Variants in ANKRD35 observed in about 807,000 individuals in gnomAD.
ANKRD35 encodes the protein ankyrin repeat domain 35.
In ANKRD35, 102 loss-of-function variants were observed where a neutral mutation model predicts 109.9. The ratio of observed to expected loss-of-function variants is 0.93; its 90% CI spans 0.79 to 1.09. The LOEUF is 1.09. Ranked by LOEUF, ANKRD35 falls within the 50% of genes least tolerant of loss-of-function variation. The pLI is 0.00. For synonymous variants in ANKRD35, 515 were observed against 512.4 expected (o/e 1.01, Z -0.07); for missense variants, 1,240 against 1,230.1 (o/e 1.01, Z -0.12).
rs1559173435 is a variant in ANKRD35, at chr1:145,873,149, T to C, written c.1620A>G (p.Arg540=). 6.2e-7 allele frequency: 1 copy of C among 1,614,076 alleles called. No homozygotes were observed. Among genetic ancestry groups the C allele is most frequent in the Non-Finnish European group, 8.5e-7 (1 of 1,180,018 alleles). ...CCAGCCTTGCCAGCACCCGCTCCAG[T>C]CGGGCTTCCATCTTCTCCCAGGCAG... The part of the protein sequence containing the change: ...AAAAWEKMEA[R]LERVLARLEW... Residue 540 remains arginine, a synonymous_variant, in exon 10 of 14, where the codon CGA becomes CGG. Coordinates refer to ENST00000355594, the MANE Select transcript of ANKRD35 (RefSeq NM_144698.5).
chr1:145,878,456 C>T lies in ANKRD35; in HGVS notation c.194G>A (p.Gly65Asp), dbSNP rs773540233. ...CAGGATAGTCAGACATTCTGTCAGG[C>T]CTTTGGAGGCTGCCAGATGAAACCT... The part of the protein sequence containing the change: ...QSPFHLAASK[G>D]LTECLTILLA... The change falls in exon 3 of 14, where the codon GGC becomes GAC. Residue 65 changes from glycine (G) to aspartate (D), a missense_variant. Gly to Asp is a moderately conservative substitution (Grantham distance 94). Coordinates refer to ENST00000355594, the MANE Select transcript of ANKRD35 (RefSeq NM_144698.5). 1.3e-6 allele frequency: 2 copies of T among 1,570,212 alleles called. No homozygotes were observed. Among genetic ancestry groups the T allele is most frequent in the Admixed American group, 1.9e-5 (1 of 53,574 alleles).
At position 145,876,240 on chromosome 1, in the gene ANKRD35, G is replaced by C; in HGVS notation, c.460C>G (p.Arg154Gly). 1 of 1,613,334 alleles carries C rather than the reference G, an allele frequency of 6.2e-7. No homozygotes were observed. Among genetic ancestry groups the C allele is most frequent in the Non-Finnish European group, 8.5e-7 (1 of 1,179,532 alleles). ...AFLDVLDNDG[R>G]TPLMIASLGG... The stretch of plus-strand genomic sequence containing the variant: ...AGCGATGCGATCATCAGGGGTGTAC[G>C]TCCATCCTGCACAGATTGTAGGAAG... Residue 154 changes from arginine (R) to glycine (G), a missense_variant, in exon 7 of 14, where the codon CGT becomes GGT. Transcript: ENST00000355594.
Position 145,873,136 on chromosome 1 carries a change from G to T in ANKRD35, c.1633C>A (p.Leu545Met), listed in dbSNP as rs140295711. 1.2e-6 allele frequency: 2 copies of T among 1,614,026 alleles called. No individual in the cohort carries two copies. The highest frequency in any genetic ancestry group is 1.7e-6 in the Non-Finnish European group (2 of 1,180,008). Residue 545 changes from leucine (L) to methionine (M), a missense_variant, in exon 10 of 14, where the codon CTG becomes ATG. Leu to Met is a conservative substitution (Grantham distance 15). Coordinates refer to ENST00000355594, the MANE Select transcript of ANKRD35 (RefSeq NM_144698.5). ...EKMEARLERV[L>M]ARLEWAKAGL... ...GCCTTTGCCCATTCCAGCCTTGCCA[G>T]CACCCGCTCCAGTCGGGCTTCCATC...
chr1:145,876,935 C>T, intron 4 of ANKRD35, 62 bp from the exon 5 acceptor site: 1 of 1,555,726 alleles, frequency 6.4e-7, no homozygotes, highest in South Asian at 1.1e-5. Context: ...ATCCCATACC[C>T]CCATTGGGTC....
Position 145,879,238 on chromosome 1 carries a change from G to A in ANKRD35, c.170+20C>T. The A allele has an allele frequency of 1.3e-6, 2 of 1,577,670 alleles. No individual in the cohort carries two copies. Among genetic ancestry groups the A allele is most frequent in the Non-Finnish European group, 1.7e-6 (2 of 1,160,418 alleles). The stretch of plus-strand genomic sequence containing the variant: ...AAAGGGAGCCACATGTAAGGGGCAG[G>A]GGCAGGAGGACTGACTTACGGGGAC... On this transcript the variant is annotated intron_variant, in intron 2 of 13. Coordinates refer to ENST00000355594, the MANE Select transcript of ANKRD35 (RefSeq NM_144698.5).
chr1:145,873,059 G>A lies in ANKRD35; in HGVS notation c.1710C>T (p.Ala570=), dbSNP rs1653907518. ...EVPSQESREG[A]LKAAPGSIKQ... is the part of the protein sequence containing the mutation. ...TGATGCTCCCTGGGGCTGCCTTTAG[G>A]GCTCCCTCTCTGGACTCCTGGGAAG... is the stretch of plus-strand genomic sequence containing the variant. The change falls in exon 10 of 14, where the codon GCC becomes GCT. Residue 570 remains alanine (A), a synonymous_variant. Coordinates refer to ENST00000355594, the MANE Select transcript of ANKRD35 (RefSeq NM_144698.5). 1 of 1,611,406 alleles carries A rather than the reference G, an allele frequency of 6.2e-7. No individual in the cohort carries two copies. The highest frequency in any genetic ancestry group is 1.3e-5 in the African/African-American group (1 of 74,718).
At chr1:145,871,890 G>T in intron 10 of ANKRD35, 92 bp downstream of exon 10, 1 of 1,497,018 alleles carries the variant, frequency 6.7e-7, no homozygotes, top group Non-Finnish European at 9.0e-7. Flanking sequence ...CTGACCCACT[G>T]CTGCAATAAA....
At chr1:145,876,320 C>A in intron 6 of ANKRD35, 74 bp from the exon 7 acceptor site, 1 of 1,404,076 alleles carries the variant, frequency 7.1e-7, no homozygotes, top group Non-Finnish European at 9.9e-7. Context: ...CGGCTCCCCT[C>A]CCCTCACACC....
chr1:145,881,397 T>C (rs1374743858), intron 1 of ANKRD35, among the ~76,000 whole-genome samples: 5 of 152,192 alleles, frequency 3.3e-5, no homozygotes, highest in African/African-American at 1.2e-4. Context: ...TATTTCCAGA[T>C]AAACAGTCTC....
Position 145,876,254 on chromosome 1 carries a change from G to T in ANKRD35, c.454-8C>A, listed in dbSNP as rs1553740078. The stretch of plus-strand genomic sequence containing the variant: ...CAGGGGTGTACGTCCATCCTGCACA[G>T]ATTGTAGGAAGAGGTTCATGAGCAG... On this transcript the variant is annotated splice_polypyrimidine_tract_variant and splice_region_variant and intron_variant, in intron 6 of 13. Transcript: ENST00000355594. 1 of 1,607,120 alleles carries T rather than the reference G, an allele frequency of 6.2e-7. No homozygotes were observed. The highest frequency in any genetic ancestry group is 1.7e-5 in the Admixed American group (1 of 59,664).
rs781840179 is a variant in ANKRD35, at chr1:145,873,046, G to A, written c.1723C>T (p.Pro575Ser). ...ESREGALKAA[P>S]GSIKQDEEKE... is the part of the protein sequence containing the mutation. ...TCTTCATCCTGTTTGATGCTCCCTG[G>A]GGCTGCCTTTAGGGCTCCCTCTCTG... Residue 575 changes from proline to serine, a missense_variant, in exon 10 of 14, where the codon CCA (proline) becomes TCA (serine). Pro to Ser is a moderately conservative substitution (Grantham distance 74). Coordinates refer to ENST00000355594, the MANE Select transcript of ANKRD35 (RefSeq NM_144698.5). 30 of 1,611,588 alleles carry A rather than the reference G, an allele frequency of 1.9e-5. No individual in the cohort carries two copies. The highest frequency in any genetic ancestry group is 4.0e-5 in the African/African-American group (3 of 74,734).
chr1:145,867,845 T>C (rs1315740852), intron 12 of ANKRD35, 146 bp downstream of exon 12: 7 of 725,626 alleles, frequency 9.6e-6, no homozygotes, highest in African/African-American at 7.0e-5. Context: ...ATCTACCAAA[T>C]GAGATCAGAG....
At position 145,876,614 on chromosome 1, in the gene ANKRD35, C is replaced by T. The variant is rs1553740154; in HGVS notation, c.408G>A (p.Val136=). The T allele has an allele frequency of 1.2e-6, 2 of 1,614,038 alleles. No homozygotes were observed. The highest frequency in any genetic ancestry group is 3.3e-5 in the Admixed American group (2 of 60,000). The part of the protein sequence containing the change: ...WAASSGCASS[V]LLLCDHEAFL... ...AGGCTTCGTGGTCACACAGCAGGAG[C>T]ACACTTGAGGCACAGCCAGAGGAGG... The change falls in exon 6 of 14, where the codon GTG becomes GTA. Residue 136 remains valine (V), a synonymous_variant. Coordinates refer to ENST00000355594, the MANE Select transcript of ANKRD35 (RefSeq NM_144698.5).
Position 145,873,988 on chromosome 1 carries a change from A to G in ANKRD35, c.784-3T>C, listed in dbSNP as rs990705865. 3.1e-5 allele frequency: 50 copies of G among 1,613,644 alleles called. No individual in the cohort carries two copies. The highest frequency in any genetic ancestry group is 4.2e-5 in the Non-Finnish European group (50 of 1,179,856). ...GCCTGGGGCTCAGATGGAGAGGCCT[A>G]TGTTGGAAACAGAATAGTAAAGTGT... On this transcript the variant is annotated splice_region_variant and splice_polypyrimidine_tract_variant and intron_variant, in intron 9 of 13. Transcript: ENST00000355594.
intron 1 of ANKRD35, among the ~76,000 whole-genome samples, chr1:145,882,462 A>ATTTTTTTTTT (rs781961496): frequency 2.1e-4 from 30 of 140,272 alleles, no homozygotes; most frequent in African/African-American, 7.9e-4. Context: ...CACCCAGGTA[A>ATTTTTTTTTT]TTTTTTTTTT....
intron 1 of ANKRD35, 38 bp from the exon 2 acceptor site, chr1:145,879,426 G>A: frequency 6.9e-7 from 1 of 1,454,600 alleles, no homozygotes; most frequent in Admixed American, 2.5e-5. Flanking sequence ...TATAGGGCAT[G>A]AGGGTAGTGT....
rs372420975 is a variant in ANKRD35 at position 145,885,778 on chromosome 1, G to A, written c.-20C>T. 1 of 1,595,554 alleles carries A rather than the reference G, an allele frequency of 6.3e-7. No individual in the cohort carries two copies. Among genetic ancestry groups the A allele is most frequent in the Non-Finnish European group, 8.6e-7 (1 of 1,163,302 alleles). On this transcript the variant is annotated 5_prime_UTR_variant, in exon 1 of 14. Transcript: ENST00000355594. Reference sequence around the variant, plus strand: ...CTTCATGGCCGGGGTCGGGGCCACGGGGGATGGGGACGCGCAGAGAGCCGG... The same window carrying A: ...CTTCATGGCCGGGGTCGGGGCCACGAGGGATGGGGACGCGCAGAGAGCCGG...
intron 9 of ANKRD35, 62 bp from the exon 10 acceptor site, chr1:145,874,047 C>A: frequency 6.2e-7 from 1 of 1,611,316 alleles, no homozygotes; most frequent in Non-Finnish European, 8.5e-7. Flanking sequence ...CCTAGGAGTG[C>A]CTTTCTTCTC....
intron 10 of ANKRD35, among the ~76,000 whole-genome samples, chr1:145,869,088 G>A (rs1339871834): frequency 6.6e-6 from 1 of 151,444 alleles, no homozygotes; most frequent in Non-Finnish European, 1.5e-5. Context: ...TATCCAATAT[G>A]ATAAAACATT....
Sources: allele counts gnomAD v4.1 joint callset (sites outside exome capture counted in the v4.1 genomes callset), GRCh38; gene constraint gnomAD v4.1.1; transcripts MANE v1.5; gene names NCBI Gene and HGNC (gene_info 2026-07-23, HGNC 2026-07-21).